The following SLC12A2 variants were observed in gnomAD, a reference collection of about 807,000 sequenced individuals.
SLC12A2 encodes the protein Na-K-2Cl cotransporter 1.
A neutral mutation model predicts 136.3 loss-of-function variants in SLC12A2; 67 were observed. The ratio of observed to expected loss-of-function variants is 0.49; its 90% confidence interval spans 0.40 to 0.60. The LOEUF (loss-of-function observed/expected upper bound fraction) is 0.60, where lower values mean the gene tolerates loss of function less well. Among genes scored for constraint, SLC12A2 ranks in the 20% least tolerant of loss-of-function variants. SLC12A2 has a pLI of 0.00. For missense variants in SLC12A2, 1,322 were observed against 1,534.7 expected (o/e 0.86, Z 2.32); for synonymous variants, 619 against 562.9 (o/e 1.10, Z -1.41).
chr5:128,182,984 A>G, intron 24 of SLC12A2, 43 bp downstream of exon 24: 1 of 1,160,632 alleles, frequency 8.6e-7, no homozygotes, highest in South Asian at 1.4e-5. Context: ...TAGATGGCCT[A>G]CTCAGACACA....
Position 128,186,864 on chromosome 5 carries a change from G to A in SLC12A2, c.*233G>A. The A allele has an allele frequency of 2.7e-6, 1 of 373,612 alleles. No homozygotes were observed. The highest frequency in any genetic ancestry group is 4.0e-5 in the East Asian group (1 of 24,914). The allele number at this position is 373,612 out of a possible 1,614,324, so 23.1% of individuals were successfully genotyped here. On this transcript the variant is annotated 3_prime_UTR_variant, in exon 27 of 27. Transcript: ENST00000262461. ...GGTGATTCTTCTCTGTTGAACTGAAGTTTGTGAGAGTAGTTTTCCTTTGCT... is the reference window on the plus strand; with the variant it reads ...GGTGATTCTTCTCTGTTGAACTGAAATTTGTGAGAGTAGTTTTCCTTTGCT...
At chr5:128,102,938 C>A (rs1333806175) in intron 1 of SLC12A2, among the ~76,000 whole-genome samples, 3 of 152,022 alleles carry the variant, frequency 2.0e-5, no homozygotes, top group African/African-American at 7.2e-5. Context: ...TTATTCATTT[C>A]AATTGCTATT....
At chr5:128,151,140 A>C in intron 13 of SLC12A2, 101 bp from the exon 14 acceptor site, 1 of 981,670 alleles carries the variant, frequency 1.0e-6, no homozygotes, top group Middle Eastern at 2.4e-4. Context: ...AAGTCCTCTC[A>C]GTGTGGCAAC....
intron 4 of SLC12A2, among the ~76,000 whole-genome samples, chr5:128,124,070 T>G (rs74794264): frequency 2.6e-5 from 4 of 152,232 alleles, no homozygotes; most frequent in African/African-American, 7.2e-5. Flanking sequence ...TCTCAGAAAT[T>G]AATTGACCCT....
chr5:128,119,071 G>A lies in SLC12A2; in HGVS notation c.1048+4390G>A, dbSNP rs148480468. Among the ~76,000 whole-genome samples, 316 of 151,894 alleles carry A rather than the reference G, an allele frequency of 2.1e-3. 1 individual carries two copies. Among genetic ancestry groups the A allele is most frequent in the African/African-American group, 7.5e-3 (309 of 41,282 alleles). On this transcript the variant is annotated intron_variant, in intron 4 of 26. Coordinates refer to ENST00000262461, the MANE Select transcript of SLC12A2 (RefSeq NM_001046.3). ...AAACTATAAACTATACTTCTTGGTG[G>A]TACCAAGAATCCCTGAGTTGGATTT...
intron 16 of SLC12A2, among the ~76,000 whole-genome samples, chr5:128,161,426 GT>G (rs935287483): frequency 6.6e-6 from 1 of 152,074 alleles, no homozygotes; most frequent in South Asian, 2.1e-4. Context: ...GTAAGTCTGT[GT>G]TTCTTCTCTT....
intron 7 of SLC12A2, among the ~76,000 whole-genome samples, chr5:128,137,575 A>G (rs1332577893): frequency 6.6e-6 from 1 of 152,208 alleles, no homozygotes. Flanking sequence ...AAATTCCATG[A>G]AGGCAGGAAC....
chr5:128,148,958 T>A, intron 12 of SLC12A2, 81 bp downstream of exon 12: 1 of 1,204,468 alleles, frequency 8.3e-7, no homozygotes, highest in Non-Finnish European at 1.1e-6. Context: ...TTATTAACAA[T>A]GTTATCTTGG....
Position 128,084,846 on chromosome 5 carries a change from T to A in SLC12A2, c.756+136T>A. 9.6e-7 allele frequency: 1 copy of A among 1,037,418 alleles called. No individual in the cohort carries two copies. Among genetic ancestry groups the A allele is most frequent in the Non-Finnish European group, 1.4e-6 (1 of 736,880 alleles). 64.3% of individuals were successfully genotyped at this position (1,037,418 alleles called of 1,614,324 possible). On this transcript the variant is annotated intron_variant, in intron 1 of 26. Coordinates refer to ENST00000262461, the MANE Select transcript of SLC12A2 (RefSeq NM_001046.3). The surrounding 1 kb of genome is among the most constrained non-coding windows in gnomAD (Gnocchi z 5.6). ...ACTTGCTGGCATCTCTGGATTCAGC[T>A]GTCAAGGGTGGAATTGCCGAGGAAT...
chr5:128,181,167 C>G lies in SLC12A2; in HGVS notation c.3212+173C>G, dbSNP rs192122973. On this transcript the variant is annotated intron_variant, in intron 23 of 26. Transcript: ENST00000262461. Reference sequence around the variant, plus strand: ...TGTTCTCTTTAGTCTTCATGTTTAACTAGTAAATACTTAATTTTACTTAGA... The same window carrying G: ...TGTTCTCTTTAGTCTTCATGTTTAAGTAGTAAATACTTAATTTTACTTAGA... Among the ~76,000 whole-genome samples, 9 of 152,254 alleles carry G rather than the reference C, an allele frequency of 5.9e-5. No individual in the cohort carries two copies. In the East Asian group the frequency reaches 1.7e-3, roughly 29 times the overall value.
In SLC12A2 at chr5:128,084,481, A is replaced by T; in HGVS notation, c.527A>T (p.Asp176Val). The T allele has an allele frequency of 6.2e-7, 1 of 1,602,880 alleles. No homozygotes were observed. Among genetic ancestry groups the T allele is most frequent in the African/African-American group, 1.3e-5 (1 of 74,348 alleles). The change falls in exon 1 of 27, where the codon GAC (aspartate) becomes GTC (valine). Residue 176 changes from aspartate to valine, a missense_variant. Physicochemically the swap from Asp to Val is radical, Grantham distance 152. Transcript: ENST00000262461. The surrounding 1 kb of genome is among the most constrained non-coding windows in gnomAD (Gnocchi z 5.6). Reference sequence around the variant, plus strand: ...AACGTGAGCTTCCAGAACGGCGGGGACACGGTGCTGAGCGAGGGCAGCAGC... The same window carrying T: ...AACGTGAGCTTCCAGAACGGCGGGGTCACGGTGCTGAGCGAGGGCAGCAGC... The part of the protein sequence containing the change: ...GPNVSFQNGG[D>V]TVLSEGSSLH...
chr5:128,166,921 A>C (rs1174050204), intron 17 of SLC12A2, among the ~76,000 whole-genome samples: 1 of 151,982 alleles, frequency 6.6e-6, no homozygotes, highest in Non-Finnish European at 1.5e-5. Context: ...ATTTTGGGGG[A>C]TACTTTGGCC....
chr5:128,156,667 T>C (rs1377979064), intron 15 of SLC12A2, among the ~76,000 whole-genome samples: 1 of 152,164 alleles, frequency 6.6e-6, no homozygotes, highest in Non-Finnish European at 1.5e-5. Context: ...AGTCCACAAG[T>C]AGACAGATGT....
At chr5:128,153,301 T>A (rs998766527) in intron 15 of SLC12A2, among the ~76,000 whole-genome samples, 1 of 152,240 alleles carries the variant, frequency 6.6e-6, no homozygotes, top group Non-Finnish European at 1.5e-5. Context: ...ACGCCTGTAA[T>A]CCCAGCACTT....
chr5:128,161,870 C>G, intron 17 of SLC12A2, 70 bp downstream of exon 17: 3 of 1,074,754 alleles, frequency 2.8e-6, no homozygotes, highest in Non-Finnish European at 2.5e-6. Flanking sequence ...CTTTTTAATT[C>G]TAGATTTCAT....
At chr5:128,153,790 G>C (rs1193484599) in intron 15 of SLC12A2, among the ~76,000 whole-genome samples, 5 of 151,984 alleles carry the variant, frequency 3.3e-5, no homozygotes, top group Non-Finnish European at 7.4e-5. Flanking sequence ...AAAAGTAATT[G>C]TTTATTTTTT....
intron 1 of SLC12A2, among the ~76,000 whole-genome samples, chr5:128,102,940 A>G (rs1043359058): frequency 2.6e-5 from 4 of 152,018 alleles, no homozygotes; most frequent in African/African-American, 7.2e-5. Flanking sequence ...ATTCATTTCA[A>G]TTGCTATTTT....
At chr5:128,118,326 C>T (rs1441032526) in intron 4 of SLC12A2, among the ~76,000 whole-genome samples, 1 of 152,068 alleles carries the variant, frequency 6.6e-6, no homozygotes, top group Non-Finnish European at 1.5e-5. Context: ...AACTTAAATG[C>T]CTATCAACCA....
chr5:128,148,491 C>T (rs1292157850), intron 11 of SLC12A2, among the ~76,000 whole-genome samples: 1 of 151,760 alleles, frequency 6.6e-6, no homozygotes, highest in African/African-American at 2.4e-5. Flanking sequence ...TGTATGCCTG[C>T]TTCTGTGATT....
Sources: allele counts gnomAD v4.1 joint callset (sites outside exome capture counted in the v4.1 genomes callset), GRCh38; gene constraint gnomAD v4.1.1; non-coding constraint Gnocchi (gnomAD v3.1); transcripts MANE v1.5; gene names NCBI Gene and HGNC (gene_info 2026-07-23, HGNC 2026-07-21).